ZNF37A: variants seen among roughly 807,000 people sequenced by gnomAD.
ZNF37A encodes zinc finger protein 37A, also known as zinc finger protein 37a (KOX 21).
ZNF37A carries 10 observed loss-of-function variants against 12.3 expected under a neutral mutation model. The observed-to-expected ratio is 0.82, with a 90% CI of 0.50 to 1.38. The LOEUF (loss-of-function observed/expected upper bound fraction) is 1.38. Among genes scored for constraint, ZNF37A ranks in the 40% most tolerant of loss-of-function variants. The pLI is 0.00. For missense variants in ZNF37A, 580 were observed against 651.2 expected (o/e 0.89, Z 1.19); for synonymous variants, 207 against 223.0 (o/e 0.93, Z 0.64).
chr10:38,107,135 A>C (rs2068170452), intron 5 of ZNF37A, among the ~76,000 whole-genome samples: 1 of 152,226 alleles, frequency 6.6e-6, no homozygotes, highest in Non-Finnish European at 1.5e-5. Flanking sequence ...AGGGAAGTCC[A>C]TCAGACCAAC....
chr10:38,118,266 T>C lies in ZNF37A; in HGVS notation c.1115T>C (p.Val372Ala), dbSNP rs193123698. Residue 372 changes from valine to alanine, a missense_variant, in exon 8 of 8, where the codon GTG (valine) becomes GCG (alanine). By Grantham distance (64) the Val-to-Ala change is moderately conservative (BLOSUM62 0). Coordinates refer to ENST00000685332, the MANE Select transcript of ZNF37A (RefSeq NM_001324250.3). Reference sequence around the variant, plus strand: ...TTCTCATTTAAGTCAGTCCTTACTGTGCATCAGAAAACACACACAGGGGAG... The same window carrying C: ...TTCTCATTTAAGTCAGTCCTTACTGCGCATCAGAAAACACACACAGGGGAG... ...KTFSFKSVLT[V>A]HQKTHTGEKP... 14 of 1,613,366 alleles carry C rather than the reference T, an allele frequency of 8.7e-6. No individual in the cohort carries two copies. Among genetic ancestry groups the C allele is most frequent in the Non-Finnish European group, 1.1e-5 (13 of 1,179,842 alleles).
At position 38,121,211 on chromosome 10, in the gene ZNF37A, A is replaced by G. The variant is rs1471306903; in HGVS notation, c.*2374A>G. On this transcript the variant is annotated 3_prime_UTR_variant, in exon 8 of 8. Coordinates refer to ENST00000685332, the MANE Select transcript of ZNF37A (RefSeq NM_001324250.3). ...CAACCTTGATAACAAAACCTAAAAAAAAAACAACAAAAAAACCCATAAAGC... is the reference window on the plus strand; with the variant it reads ...CAACCTTGATAACAAAACCTAAAAAGAAAACAACAAAAAAACCCATAAAGC... 1.3e-5 allele frequency: 2 copies of G among 152,174 alleles called. No homozygotes were observed. Among genetic ancestry groups the G allele is most frequent in the East Asian group, 3.8e-4 (2 of 5,206 alleles). 9.4% of individuals were successfully genotyped at this position (152,174 alleles called of 1,614,324 possible). A position where few individuals can be genotyped will look rare whatever the true frequency, so the allele number is the denominator to read the frequency against.
rs779403288 is a variant in ZNF37A, at chr10:38,114,719, T to TA, written c.16-35dup. The TA allele has an allele frequency of 1.9e-6, 3 of 1,613,834 alleles. No individual in the cohort carries two copies. In the East Asian group the frequency reaches 6.7e-5, roughly 36 times the overall value. Reference sequence around the variant, plus strand: ...ATCTTTTTTCACGTCAACTGATTCTTATCACTTCAGACTGAGCAAAATTGT... The same window carrying TA: ...ATCTTTTTTCACGTCAACTGATTCTTAATCACTTCAGACTGAGCAAAATTGT... On this transcript the variant is annotated intron_variant, in intron 5 of 7. Transcript: ENST00000685332.
chr10:38,097,298 G>C (rs1412522131), intron 5 of ZNF37A, among the ~76,000 whole-genome samples: 1 of 152,136 alleles, frequency 6.6e-6, no homozygotes, highest in Non-Finnish European at 1.5e-5. Context: ...AATTCAAATA[G>C]GCCGGGCTAG....
intron 7 of ZNF37A, chr10:38,140,879 A>G (rs891185751): frequency 1.3e-4 from 20 of 152,238 alleles, no homozygotes; most frequent in African/African-American, 3.9e-4. Context: ...AAAGTAAAAT[A>G]TAAAGAGACG....
chr10:38,110,079 C>T (rs2068504304), intron 5 of ZNF37A, among the ~76,000 whole-genome samples: 1 of 152,168 alleles, frequency 6.6e-6, no homozygotes, highest in Non-Finnish European at 1.5e-5. Flanking sequence ...ATCACACTAC[C>T]TGACTTCAAA....
chr10:38,096,748 ACATTACATTT>A (rs1336300900), intron 5 of ZNF37A, 116 bp downstream of exon 5: 2 of 982,592 alleles, frequency 2.0e-6, no homozygotes, highest in Non-Finnish European at 3.0e-6. Context: ...AGGAGAGGTC[ACATTACATTT>A]CATGGGTCAA....
exon 8 of ZNF37A, chr10:38,148,720 G>T (rs2070286596): frequency 6.6e-6 from 1 of 152,184 alleles, no homozygotes; most frequent in Non-Finnish European, 1.5e-5. Flanking sequence ...CCTAGGTATG[G>T]TTCTAACACA....
At chr10:38,107,045 A>G (rs1051951852) in intron 5 of ZNF37A, among the ~76,000 whole-genome samples, 5 of 152,180 alleles carry the variant, frequency 3.3e-5, no homozygotes, top group African/African-American at 7.2e-5. Context: ...CCCAAGACAC[A>G]TAATCATCAG....
At chr10:38,109,305 T>C (rs192877493) in intron 5 of ZNF37A, among the ~76,000 whole-genome samples, 1 of 152,196 alleles carries the variant, frequency 6.6e-6, no homozygotes, top group Non-Finnish European at 1.5e-5. Context: ...TGCTTAAAAC[T>C]CTCAAAAAAC....
intron 7 of ZNF37A, among the ~76,000 whole-genome samples, chr10:38,132,484 G>A (rs890388566): frequency 9.2e-5 from 14 of 151,826 alleles, no homozygotes; most frequent in African/African-American, 2.7e-4. Context: ...TTCTTTTAAC[G>A]GACTATTGAA....
chr10:38,135,682 G>A (rs994218915), intron 7 of ZNF37A, among the ~76,000 whole-genome samples: 12 of 152,178 alleles, frequency 7.9e-5, no homozygotes, highest in African/African-American at 2.7e-4. Context: ...GTTCTGCATG[G>A]CTGAGGAGGC....
intron 5 of ZNF37A, among the ~76,000 whole-genome samples, chr10:38,103,185 ATGT>A (rs1440260483): frequency 1.3e-5 from 2 of 151,886 alleles, no homozygotes; most frequent in African/African-American, 4.8e-5. Flanking sequence ...GGTATGTTTG[ATGT>A]TGTCTCTTGG....
At chr10:38,137,666 T>A (rs1016738896) in intron 7 of ZNF37A, 2 of 152,184 alleles carry the variant, frequency 1.3e-5, no homozygotes, top group African/African-American at 2.4e-5. Context: ...CAATGCCACA[T>A]GACATGAGAC....
Position 38,122,235 on chromosome 10 carries a change from C to A in ZNF37A, c.*3398C>A, listed in dbSNP as rs57576318. 1 of 150,444 alleles carries A rather than the reference C, an allele frequency of 6.6e-6. No homozygotes were observed. The highest frequency in any genetic ancestry group is 2.5e-5 in the African/African-American group (1 of 40,812). The allele number at this position is 150,444 out of a possible 1,614,324, so 9.3% of individuals were successfully genotyped here. ...CCTGGAAGACAGAGTGAGACCCCATCTCAGGAAAAAAGAAAAAAAAAAAGA... is the reference window on the plus strand; with the variant it reads ...CCTGGAAGACAGAGTGAGACCCCATATCAGGAAAAAAGAAAAAAAAAAAGA... On this transcript the variant is annotated 3_prime_UTR_variant, in exon 8 of 8. Coordinates refer to ENST00000685332, the MANE Select transcript of ZNF37A (RefSeq NM_001324250.3).
intron 5 of ZNF37A, among the ~76,000 whole-genome samples, chr10:38,098,503 A>C (rs1000040282): frequency 6.6e-6 from 1 of 152,154 alleles, no homozygotes; most frequent in Non-Finnish European, 1.5e-5. Flanking sequence ...TAAGTATTGG[A>C]GTGGGTAATA....
chr10:38,128,486 C>CACAAA (rs1367006994), downstream of ZNF37A, among the ~76,000 whole-genome samples: 1 of 152,132 alleles, frequency 6.6e-6, no homozygotes, highest in African/African-American at 2.4e-5. Flanking sequence ...GAATATTATA[C>CACAAA]TTTCTGTCAC....
In ZNF37A at chr10:38,118,041, A is replaced by C. The variant is rs528695388; in HGVS notation, c.890A>C (p.Lys297Thr). 5 of 1,614,048 alleles carry C rather than the reference A, an allele frequency of 3.1e-6. No individual in the cohort carries two copies. In the South Asian group the frequency reaches 5.5e-5, roughly 18 times the overall value. The change falls in exon 8 of 8, where the codon AAA (lysine) becomes ACA (threonine). Residue 297 changes from lysine to threonine, a missense_variant. Coordinates refer to ENST00000685332, the MANE Select transcript of ZNF37A (RefSeq NM_001324250.3). The stretch of plus-strand genomic sequence containing the variant: ...CATCAGAGAACACACACAGGGGGAA[A>C]ACCCTATGAATGTCATGAATGTGGG... ...TRHQRTHTGG[K>T]PYECHECGKT...
At chr10:38,106,677 G>A (rs1367732401) in intron 5 of ZNF37A, among the ~76,000 whole-genome samples, 1 of 152,058 alleles carries the variant, frequency 6.6e-6, no homozygotes, top group Non-Finnish European at 1.5e-5. Flanking sequence ...TGATGGAGCT[G>A]AAAAACACAG....
Sources: allele counts gnomAD v4.1 joint callset (sites outside exome capture counted in the v4.1 genomes callset), GRCh38; gene constraint gnomAD v4.1.1; transcripts MANE v1.5; gene names NCBI Gene and HGNC (gene_info 2026-07-23, HGNC 2026-07-21).